ANTXR1: variants seen among roughly 807,000 people sequenced by gnomAD.
The protein encoded by ANTXR1 is anthrax toxin receptor 1.
ANTXR1 carries 19 observed loss-of-function variants against 78.1 expected under a neutral mutation model. The observed-to-expected ratio is 0.24, with a 90% CI of 0.17 to 0.36. The LOEUF (loss-of-function observed/expected upper bound fraction) is 0.36, where lower values mean the gene tolerates loss of function less well. Among genes scored for constraint, ANTXR1 ranks in the 10% least tolerant of loss-of-function variants. The pLI is 1.00. For missense variants in ANTXR1, 518 were observed against 718.6 expected (o/e 0.72, Z 3.19); for synonymous variants, 273 against 260.5 (o/e 1.05, Z -0.46).
At chr2:69,094,593 T>TG (rs1394036502) in intron 9 of ANTXR1, among the ~76,000 whole-genome samples, 3 of 152,208 alleles carry the variant, frequency 2.0e-5, no homozygotes, top group Non-Finnish European at 4.4e-5. Context: ...GAACAGCCCC[T>TG]GCTGTGGAGC....
intron 17 of ANTXR1, among the ~76,000 whole-genome samples, chr2:69,233,475 A>C (rs972525208): frequency 8.6e-5 from 13 of 151,906 alleles, no homozygotes; most frequent in African/African-American, 3.1e-4. Flanking sequence ...TATAGGAAAA[A>C]TATAATGATC....
chr2:69,027,361 T>A (rs1671375626), intron 1 of ANTXR1, among the ~76,000 whole-genome samples: 1 of 152,178 alleles, frequency 6.6e-6, no homozygotes, highest in African/African-American at 2.4e-5. Flanking sequence ...AGGCCAGGTA[T>A]AGCACAATGC....
chr2:69,027,002 C>G (rs746794346), intron 1 of ANTXR1, among the ~76,000 whole-genome samples: 26 of 152,326 alleles, frequency 1.7e-4, no homozygotes, highest in Admixed American at 3.9e-4. Context: ...CCAGGGTCTA[C>G]TTTCAACTCT....
intron 17 of ANTXR1, among the ~76,000 whole-genome samples, chr2:69,215,098 G>A (rs1675143962): frequency 6.6e-6 from 1 of 152,186 alleles, no homozygotes; most frequent in South Asian, 2.1e-4. Context: ...CCATCCTGCT[G>A]CACAGGCTGC....
chr2:69,107,950 A>C (rs910385034), intron 10 of ANTXR1, among the ~76,000 whole-genome samples: 1 of 152,236 alleles, frequency 6.6e-6, no homozygotes. Flanking sequence ...TAAAGTTCAG[A>C]AGAAAAAAAG....
intron 17 of ANTXR1, among the ~76,000 whole-genome samples, chr2:69,219,419 A>ACACACC (rs2104508684): frequency 6.6e-6 from 1 of 150,538 alleles, no homozygotes; most frequent in Admixed American, 6.6e-5. Context: ...ACACACACAC[A>ACACACC]CACCCTACTG....
intron 4 of ANTXR1, among the ~76,000 whole-genome samples, chr2:69,071,196 A>G (rs1054821849): frequency 4.6e-5 from 7 of 152,224 alleles, no homozygotes; most frequent in African/African-American, 1.7e-4. Flanking sequence ...ACAGTCATCT[A>G]TCACTTAACA....
intron 8 of ANTXR1, among the ~76,000 whole-genome samples, chr2:69,081,145 C>A (rs114969677): frequency 0.024 from 3,582 of 152,320 alleles, 70 homozygotes; most frequent in Middle Eastern, 0.041. Flanking sequence ...GATTTATTAT[C>A]CCCATTTTAT....
chr2:69,143,555 A>G (rs888391358), intron 12 of ANTXR1, among the ~76,000 whole-genome samples: 1 of 152,202 alleles, frequency 6.6e-6, no homozygotes, highest in South Asian at 2.1e-4. Flanking sequence ...GCTAGAGATG[A>G]AGACTTAACT....
chr2:69,090,965 T>C, intron 9 of ANTXR1, 46 bp downstream of exon 9: 1 of 1,591,176 alleles, frequency 6.3e-7, no homozygotes, highest in Non-Finnish European at 8.6e-7. Context: ...ATTGATGATA[T>C]TTTGAGTTCA....
intron 12 of ANTXR1, chr2:69,145,946 C>A: frequency 1.0e-6 from 1 of 985,560 alleles, no homozygotes; most frequent in Non-Finnish European, 1.2e-6. Context: ...CAAATGTATA[C>A]CTTTGAGAAC....
At chr2:69,207,883 G>T (rs1674947177) in intron 17 of ANTXR1, among the ~76,000 whole-genome samples, 1 of 152,156 alleles carries the variant, frequency 6.6e-6, no homozygotes, top group Non-Finnish European at 1.5e-5. Flanking sequence ...TAGTCAGGTG[G>T]TTTCTCTCTC....
intron 17 of ANTXR1, among the ~76,000 whole-genome samples, chr2:69,194,415 C>T (rs1036572945): frequency 6.6e-6 from 1 of 152,238 alleles, no homozygotes; most frequent in South Asian, 2.1e-4. Flanking sequence ...ACCGCCTTTC[C>T]TTCCTGGCTG....
At chr2:69,102,820 TC>T in intron 9 of ANTXR1, 21 bp from the exon 10 acceptor site, 2 of 1,610,738 alleles carry the variant, frequency 1.2e-6, no homozygotes, top group South Asian at 2.2e-5. Context: ...GTAACGAGTC[TC>T]GTCATTATTC....
intron 12 of ANTXR1, among the ~76,000 whole-genome samples, chr2:69,144,058 A>G (rs1467558670): frequency 6.6e-6 from 1 of 152,230 alleles, no homozygotes; most frequent in African/African-American, 2.4e-5. Flanking sequence ...TTCATCTTTC[A>G]AAATAAAAAT....
chr2:69,021,356 G>T (rs1671183600), intron 1 of ANTXR1, among the ~76,000 whole-genome samples: 1 of 152,184 alleles, frequency 6.6e-6, no homozygotes, highest in Admixed American at 6.5e-5. Context: ...AATCAATCAA[G>T]GTAGGTCAGG....
At chr2:69,050,748 G>T (rs1044972954) in intron 3 of ANTXR1, among the ~76,000 whole-genome samples, 3 of 152,052 alleles carry the variant, frequency 2.0e-5, no homozygotes, top group Non-Finnish European at 1.5e-5. Flanking sequence ...AATTTATCAC[G>T]TATCTTTTTA....
chr2:69,172,625 A>C (rs1573953740), intron 14 of ANTXR1: 3 of 976,378 alleles, frequency 3.1e-6, no homozygotes, highest in Middle Eastern at 3.8e-4. Context: ...CTCTATCAAC[A>C]TCATATTCTG....
chr2:69,107,714 A>G (rs1001783394), intron 10 of ANTXR1, among the ~76,000 whole-genome samples: 4 of 152,240 alleles, frequency 2.6e-5, no homozygotes, highest in African/African-American at 9.6e-5. Flanking sequence ...GGACCAAGAT[A>G]GCTAAGACAA....
Sources: gnomAD v4.1 joint callset for allele counts (sites outside exome capture counted in the v4.1 genomes callset) on GRCh38, gnomAD v4.1.1 for gene constraint, MANE v1.5 for transcripts, NCBI Gene and HGNC (gene_info 2026-07-23, HGNC 2026-07-21) for gene names.